The following RAD54B variants were observed in gnomAD, a reference collection of about 807,000 sequenced individuals.
RAD54B encodes the protein RAD54 homolog B, also known as DNA repair and recombination protein RAD54B.
A neutral mutation model predicts 95.8 loss-of-function variants in RAD54B; 78 were observed. The ratio of observed to expected loss-of-function variants is 0.81; its 90% CI spans 0.68 to 0.98. The LOEUF is 0.98. RAD54B is among the 50% of genes least tolerant of loss of function. RAD54B has a pLI of 0.00. For synonymous variants in RAD54B, 328 were observed against 354.9 expected (o/e 0.92, Z 0.85); for missense variants, 957 against 1,056.6 (o/e 0.91, Z 1.31).
At chr8:94,416,772 C>T (rs1811682629) in intron 3 of RAD54B, among the ~76,000 whole-genome samples, 2 of 152,096 alleles carry the variant, frequency 1.3e-5, no homozygotes, top group South Asian at 4.1e-4. Context: ...AACCCTCATA[C>T]CCTGCTGGTA....
rs911241968 is a variant in RAD54B, at chr8:94,475,024, C to G, written c.-40G>C. ...ACCGGCGAAAATCTGACAGAAACCA[C>G]TGGCCCTGCAAAGAAGTCCTTCTGG... On this transcript the variant is annotated 5_prime_UTR_variant, in exon 1 of 15. Coordinates refer to ENST00000336148, the MANE Select transcript of RAD54B (RefSeq NM_012415.3). 3 of 152,458 alleles carry G rather than the reference C, an allele frequency of 2.0e-5. No homozygotes were observed. Among genetic ancestry groups the G allele is most frequent in the African/African-American group, 7.2e-5 (3 of 41,474 alleles). 9.4% of individuals were successfully genotyped at this position (152,458 alleles called of 1,614,324 possible).
chr8:94,472,178 A>C (rs903643732), intron 1 of RAD54B, among the ~76,000 whole-genome samples: 4 of 152,214 alleles, frequency 2.6e-5, no homozygotes, highest in Non-Finnish European at 4.4e-5. Flanking sequence ...TATGAAACAG[A>C]TGGTTTTTGA....
At chr8:94,375,349 T>C (rs1202390993) in intron 14 of RAD54B, among the ~76,000 whole-genome samples, 2 of 152,146 alleles carry the variant, frequency 1.3e-5, no homozygotes, top group African/African-American at 4.8e-5. Flanking sequence ...CGGTGGGAGA[T>C]GATTGAATCA....
chr8:94,451,689 T>G (rs1302641263), intron 3 of RAD54B, among the ~76,000 whole-genome samples: 1 of 152,114 alleles, frequency 6.6e-6, no homozygotes, highest in Non-Finnish European at 1.5e-5. Context: ...AAACTAAAAC[T>G]AATTATAAGG....
At chr8:94,467,251 T>C (rs938301854) in intron 2 of RAD54B, among the ~76,000 whole-genome samples, 154 bp downstream of exon 2, 9 of 152,292 alleles carry the variant, frequency 5.9e-5, no homozygotes, top group South Asian at 2.1e-4. Context: ...AAAAAAAAAT[T>C]ATGTAATCTT....
rs1479605289 is a variant in RAD54B, at chr8:94,399,505, G to T, written c.1287C>A (p.Ile429=). 1.2e-6 allele frequency: 2 copies of T among 1,613,512 alleles called. No individual in the cohort carries two copies. The highest frequency in any genetic ancestry group is 2.2e-5 in the South Asian group (2 of 91,052). ...QIKNIKFDLL[I]CDEGHRLKNS... ...TCTTCAAACGATGCCCCTCGTCACA[G>T]ATTAGAAGATCAAATTTTATATTCT... is the stretch of plus-strand genomic sequence containing the variant. The change falls in exon 8 of 15, where the codon ATC becomes ATA. Residue 429 remains isoleucine (I), a synonymous_variant. Coordinates refer to ENST00000336148, the MANE Select transcript of RAD54B (RefSeq NM_012415.3).
chr8:94,413,075 T>C (rs1432138140), intron 3 of RAD54B, among the ~76,000 whole-genome samples: 1 of 152,176 alleles, frequency 6.6e-6, no homozygotes, highest in Non-Finnish European at 1.5e-5. Context: ...AAAGCTCTTA[T>C]AAATAAGCAC....
At chr8:94,462,896 C>A (rs1410820072) in intron 2 of RAD54B, among the ~76,000 whole-genome samples, 3 of 152,078 alleles carry the variant, frequency 2.0e-5, no homozygotes, top group Non-Finnish European at 4.4e-5. Context: ...CAAATCTTGG[C>A]CAGGCATGGT....
At chr8:94,431,913 A>T in intron 3 of RAD54B, 1 of 1,023,630 alleles carries the variant, frequency 9.8e-7, no homozygotes, top group Non-Finnish European at 1.2e-6. Flanking sequence ...AAACTTAGGG[A>T]AAAAAAAAAG....
intron 8 of RAD54B, among the ~76,000 whole-genome samples, chr8:94,397,222 A>G (rs550598871): frequency 2.6e-5 from 4 of 152,322 alleles, no homozygotes; most frequent in East Asian, 1.9e-4. Flanking sequence ...TATCATGTAT[A>G]TATCACTGTA....
chr8:94,470,731 C>A (rs1424842474), intron 1 of RAD54B, among the ~76,000 whole-genome samples: 6 of 151,742 alleles, frequency 4.0e-5, no homozygotes, highest in Middle Eastern at 3.2e-3. Context: ...GCACTCCAGC[C>A]TGGGTGACAG....
At chr8:94,413,303 T>C (rs924787551) in intron 3 of RAD54B, among the ~76,000 whole-genome samples, 1 of 152,204 alleles carries the variant, frequency 6.6e-6, no homozygotes, top group African/African-American at 2.4e-5. Context: ...AATGCTGCGA[T>C]AATCAAGATA....
intron 8 of RAD54B, among the ~76,000 whole-genome samples, chr8:94,394,747 A>G (rs1811102770): frequency 6.6e-6 from 1 of 152,230 alleles, no homozygotes; most frequent in East Asian, 1.9e-4. Flanking sequence ...ATGTAATATC[A>G]GATGGCTTTC....
Position 94,462,262 on chromosome 8 carries a change from C to T in RAD54B, c.136-3826G>A, listed in dbSNP as rs527483280. On this transcript the variant is annotated intron_variant, in intron 2 of 14. Transcript: ENST00000336148. ...AGGTGGTGTCTGCCAAAGTATTTTT[C>T]CCTTTGTAATTTTTTTAAGTATGTT... Among the ~76,000 whole-genome samples, 9 of 152,072 alleles carry T rather than the reference C, an allele frequency of 5.9e-5. 1 individual carries two copies. In the South Asian group the frequency reaches 1.0e-3, roughly 17 times the overall value.
In RAD54B at chr8:94,372,357, C is replaced by G; in HGVS notation, c.2546G>C (p.Arg849Thr). ...GDSLEKFIVS[R>T]DCQLGPHHQK... ...GTGATGTGGACCAAGCTGACAATCT[C>G]TAGAGACAATGAATTTTTCCAACGA... Residue 849 changes from arginine (R) to threonine (T), a missense_variant, in exon 15 of 15, where the codon AGA becomes ACA. Arg to Thr is a moderately conservative substitution (Grantham distance 71). Transcript: ENST00000336148. 1 of 1,613,152 alleles carries G rather than the reference C, an allele frequency of 6.2e-7. No homozygotes were observed. The highest frequency in any genetic ancestry group is 8.5e-7 in the Non-Finnish European group (1 of 1,179,774).
At chr8:94,457,234 G>A (rs1262638658) in intron 3 of RAD54B, among the ~76,000 whole-genome samples, 1 of 152,140 alleles carries the variant, frequency 6.6e-6, no homozygotes, top group Non-Finnish European at 1.5e-5. Flanking sequence ...CAAGGAAGGA[G>A]GAAGTGGGGA....
chr8:94,388,066 T>G (rs1448693459), intron 10 of RAD54B, among the ~76,000 whole-genome samples: 1 of 152,222 alleles, frequency 6.6e-6, no homozygotes, highest in Non-Finnish European at 1.5e-5. Flanking sequence ...TTGCACTGAG[T>G]TTTAACCTTT....
chr8:94,430,341 T>C (rs1812059376), intron 3 of RAD54B: 1 of 978,660 alleles, frequency 1.0e-6, no homozygotes, highest in Admixed American at 6.2e-5. Context: ...TTTAATGTAA[T>C]TCATAATCTG....
intron 2 of RAD54B, among the ~76,000 whole-genome samples, chr8:94,464,964 G>C (rs1043361631): frequency 6.6e-6 from 1 of 152,116 alleles, no homozygotes; most frequent in Admixed American, 6.6e-5. Context: ...GACTCAGAGC[G>C]AAAACTCACT....
Sources: gnomAD v4.1 joint callset for allele counts (sites outside exome capture counted in the v4.1 genomes callset) on GRCh38, gnomAD v4.1.1 for gene constraint, MANE v1.5 for transcripts, NCBI Gene and HGNC (gene_info 2026-07-23, HGNC 2026-07-21) for gene names.